Variants in MPP3 observed in about 807,000 individuals in gnomAD.
The protein encoded by MPP3 is MAGUK p55 scaffold protein 3.
A neutral mutation model predicts 80.7 loss-of-function variants in MPP3; 48 were observed. The ratio of observed to expected loss-of-function variants is 0.59; its 90% CI spans 0.47 to 0.76. MPP3 has a LOEUF of 0.76. Among genes scored for constraint, MPP3 ranks in the 30% least tolerant of loss-of-function variants. The pLI, the probability that MPP3 is intolerant of heterozygous loss-of-function variation, is 0.00. For missense variants in MPP3, 620 were observed against 763.0 expected, an observed-to-expected ratio of 0.81 and a Z score of 2.21; for synonymous variants, 311 against 297.6, an observed-to-expected ratio of 1.04 and a Z score of -0.46.
intron 7 of MPP3, among the ~76,000 whole-genome samples, chr17:43,828,155 ATC>A (rs1491443597): frequency 6.9e-6 from 1 of 144,516 alleles, no homozygotes; most frequent in Non-Finnish European, 1.5e-5. Context: ...TCTCCATCAC[ATC>A]TCTCTCATAT....
At chr17:43,816,425 C>T (rs1185160359) in intron 13 of MPP3, among the ~76,000 whole-genome samples, 1 of 152,208 alleles carries the variant, frequency 6.6e-6, no homozygotes, top group East Asian at 1.9e-4. Context: ...CACAGCGTAG[C>T]CGAGTCCTGG....
At chr17:43,814,893 T>C (rs888326185) in intron 14 of MPP3, among the ~76,000 whole-genome samples, 2 of 152,192 alleles carry the variant, frequency 1.3e-5, no homozygotes, top group Non-Finnish European at 2.9e-5. Context: ...AAGTCTCATA[T>C]GACTCAGGAA....
Position 43,831,471 on chromosome 17 carries a change from G to A in MPP3, c.144+88C>T, listed in dbSNP as rs958253597. 5.3e-6 allele frequency: 7 copies of A among 1,312,878 alleles called. No homozygotes were observed. In the African/African-American group the frequency reaches 1.0e-4, roughly 19 times the overall value. The allele number at this position is 1,312,878 out of a possible 1,614,324, so 81.3% of individuals were successfully genotyped here. A position where few individuals can be genotyped will look rare whatever the true frequency, so the allele number is the denominator to read the frequency against. On this transcript the variant is annotated intron_variant, in intron 4 of 19. Transcript: ENST00000398389. The stretch of plus-strand genomic sequence containing the variant: ...GGCAAGTGAAGGCCTTCCTGGGGCA[G>A]GGAGATGACTAGGATGACCTCAGAC...
intron 10 of MPP3, 39 bp downstream of exon 10, chr17:43,823,892 C>T (rs375945054): frequency 1.8e-5 from 27 of 1,496,140 alleles, no homozygotes; most frequent in Non-Finnish European, 2.2e-5. Flanking sequence ...CTGCATCTCT[C>T]AAGCTGAGAG....
intron 11 of MPP3, among the ~76,000 whole-genome samples, chr17:43,819,531 C>G (rs1011699475): frequency 1.3e-5 from 2 of 152,210 alleles, no homozygotes; most frequent in South Asian, 4.1e-4. Flanking sequence ...GCACCATGTC[C>G]TCCTCCCTTG....
chr17:43,820,807 T>C, intron 11 of MPP3, 55 bp downstream of exon 11: 1 of 1,554,670 alleles, frequency 6.4e-7, no homozygotes, highest in South Asian at 1.1e-5. Context: ...GTCTGCCATG[T>C]ACCTGTGCCT....
Position 43,801,818 on chromosome 17 carries a change from G to A in MPP3, c.1641C>T (p.His547=), listed in dbSNP as rs1169051352. Reference sequence around the variant, plus strand: ...CCTTCACCAGCACGGCGTCTACCAGGTGCCCGTAATGCCGGTCTATGAAGG... The same window carrying A: ...CCTTCACCAGCACGGCGTCTACCAGATGCCCGTAATGCCGGTCTATGAAGG... ...SAAFIDRHYG[H]LVDAVLVKED... The change falls in exon 20 of 20, where the codon CAC becomes CAT. Residue 547 remains histidine (H), a synonymous_variant. Coordinates refer to ENST00000398389, the MANE Select transcript of MPP3 (RefSeq NM_001932.6). 3 of 1,613,968 alleles carry A rather than the reference G, an allele frequency of 1.9e-6. No homozygotes were observed. In the African/African-American group the frequency reaches 4.0e-5, roughly 22 times the overall value.
rs1194282220 is a variant in MPP3 at position 43,821,595 on chromosome 17, C to G, written c.685-537G>C. On this transcript the variant is annotated intron_variant, in intron 10 of 19. Transcript: ENST00000398389. ...ACACCCACAGCTCTTACGGCTCAAT[C>G]CTGCCTCGTCTGCCATAGACTCGGC... is the stretch of plus-strand genomic sequence containing the variant. 3.9e-5 allele frequency among the ~76,000 whole-genome samples: 6 copies of G among 152,326 alleles called. No individual in the cohort carries two copies. The East Asian group carries it at 9.6e-4, about 24-fold the overall frequency.
chr17:43,808,787 G>GTAA (rs1408818637), intron 19 of MPP3, among the ~76,000 whole-genome samples, 169 bp downstream of exon 19: 2 of 146,042 alleles, frequency 1.4e-5, no homozygotes, highest in East Asian at 3.9e-4. Flanking sequence ...TTCTGGCCAT[G>GTAA]TAATCATCTT....
intron 18 of MPP3, among the ~76,000 whole-genome samples, 153 bp downstream of exon 18, chr17:43,810,654 C>T (rs2044813403): frequency 6.6e-6 from 1 of 152,204 alleles, no homozygotes; most frequent in Non-Finnish European, 1.5e-5. Context: ...ACAAGGCTTT[C>T]ATTTGATTCT....
At chr17:43,823,570 G>A (rs1438791331) in intron 10 of MPP3, among the ~76,000 whole-genome samples, 1 of 152,186 alleles carries the variant, frequency 6.6e-6, no homozygotes. Context: ...CACAGAGTAG[G>A]TGACCAAATA....
chr17:43,829,761 G>A lies in MPP3; in HGVS notation c.334C>T (p.Gln112Ter). The change falls in exon 7 of 20, where the codon CAG becomes TAG. Residue 112 changes from glutamine (Q) to a stop codon, truncating the protein, a stop_gained. Transcript: ENST00000398389. LOFTEE classifies it high-confidence loss of function. ...GGGAGAACGGGGTCAAAATTCTTCT[G>A]GGCAACCGTGTCATGTACCATGAGC... ...AVLMVHDTVAQKNFDPVLPPL... is the reference protein window; with the variant it reads ...AVLMVHDTVA The A allele has an allele frequency of 6.2e-7, 1 of 1,613,902 alleles. No individual in the cohort carries two copies. The highest frequency in any genetic ancestry group is 8.5e-7 in the Non-Finnish European group (1 of 1,179,990).
At chr17:43,816,370 C>T (rs2045132125) in intron 13 of MPP3, among the ~76,000 whole-genome samples, 1 of 152,252 alleles carries the variant, frequency 6.6e-6, no homozygotes, top group South Asian at 2.1e-4. Flanking sequence ...GGATTCACTC[C>T]AGCCTGCCCT....
At chr17:43,812,589 AACTCCTATTT>A (rs1271208027) in intron 16 of MPP3, among the ~76,000 whole-genome samples, 1 of 151,542 alleles carries the variant, frequency 6.6e-6, no homozygotes. Flanking sequence ...CTGCCTGGAA[AACTCCTATTT>A]ACTCTTCAGA....
rs199567426 is a variant in MPP3, at chr17:43,811,191, G to A, written c.1270C>T (p.Arg424Ter). ...GVAVPHTTRP[R>*]KSHEKEGVEY... The stretch of plus-strand genomic sequence containing the variant: ...ACTCCTTCCTTCTCATGGCTCTTTC[G>A]GGGCCTGGTGGTATCTTTTAAAGAA... Residue 424 changes from arginine (R) to a stop codon, truncating the protein, a stop_gained, in exon 17 of 20, where the codon CGA (arginine) becomes TGA (stop). Coordinates refer to ENST00000398389, the MANE Select transcript of MPP3 (RefSeq NM_001932.6). LOFTEE classifies it high-confidence loss of function. 5.6e-6 allele frequency: 9 copies of A among 1,613,622 alleles called. No individual in the cohort carries two copies. The highest frequency in any genetic ancestry group is 2.7e-5 in the African/African-American group (2 of 74,886).
At chr17:43,811,430 T>C in intron 16 of MPP3, 1 of 539,760 alleles carries the variant, frequency 1.9e-6, no homozygotes, top group Non-Finnish European at 3.3e-6. Context: ...CTTTTCCTTT[T>C]GCAGCTGAGA....
chr17:43,809,741 T>G (rs559188442), intron 18 of MPP3, among the ~76,000 whole-genome samples: 138 of 152,126 alleles, frequency 9.1e-4, no homozygotes, highest in African/African-American at 2.0e-3. Context: ...TAGCCAGGCG[T>G]GGTGGCGGGC....
chr17:43,801,380 T>C lies in MPP3; in HGVS notation c.*321A>G. The C allele has an allele frequency of 3.2e-6, 1 of 314,478 alleles. No individual in the cohort carries two copies. The allele number at this position is 314,478 out of a possible 1,614,324, so 19.5% of individuals were successfully genotyped here. ...TTCTGCGAATCAGTACTGTATAAAT[T>C]AACCACTACCACCCACAAAAGACAG... On this transcript the variant is annotated 3_prime_UTR_variant, in exon 20 of 20. Coordinates refer to ENST00000398389, the MANE Select transcript of MPP3 (RefSeq NM_001932.6).
At chr17:43,830,884 C>G (rs2045926940) in intron 5 of MPP3, among the ~76,000 whole-genome samples, 1 of 152,236 alleles carries the variant, frequency 6.6e-6, no homozygotes. Context: ...CAGGAAAGCA[C>G]AGACATAATG....
Sources: gnomAD v4.1 joint callset for allele counts (sites outside exome capture counted in the v4.1 genomes callset) on GRCh38, gnomAD v4.1.1 for gene constraint, MANE v1.5 for transcripts, NCBI Gene and HGNC (gene_info 2026-07-23, HGNC 2026-07-21) for gene names.